BTBD8: variants seen among roughly 807,000 people sequenced by gnomAD.
BTBD8 encodes the protein BTB domain containing 8.
BTBD8 carries 110 observed loss-of-function variants against 162.9 expected under a neutral mutation model. The ratio of observed to expected loss-of-function variants is 0.68; its 90% CI spans 0.58 to 0.79. The LOEUF is 0.79. Among genes scored for constraint, BTBD8 ranks in the 30% least tolerant of loss-of-function variants. The pLI is 0.00. For synonymous variants in BTBD8, 667 were observed against 716.1 expected, an observed-to-expected ratio of 0.93 and a Z score of 1.10; for missense variants, 1,905 against 2,085.4, an observed-to-expected ratio of 0.91 and a Z score of 1.68.
chr1:92,129,116 AAAATT>A lies in BTBD8; in HGVS notation c.663-566_663-562del, dbSNP rs1465315679. Among the ~76,000 whole-genome samples the A allele has an allele frequency of 2.0e-5, 3 of 152,178 alleles. No individual in the cohort carries two copies. In the East Asian group the frequency reaches 5.8e-4, roughly 29 times the overall value. On this transcript the variant is annotated intron_variant, in intron 4 of 17. Transcript: ENST00000636805. Reference sequence around the variant, plus strand: ...TCTTTAGCTACCTTTTTATATTTAAAAAATTAAATATCAATTATGTTTTTATAAGC... The same window carrying A: ...TCTTTAGCTACCTTTTTATATTTAAAAAATATCAATTATGTTTTTATAAGC...
intron 2 of BTBD8, among the ~76,000 whole-genome samples, chr1:92,090,842 G>C (rs1424792944): frequency 6.6e-6 from 1 of 152,166 alleles, no homozygotes; most frequent in African/African-American, 2.4e-5. Context: ...TGAGGCAGGA[G>C]AATCACCCGA....
intron 3 of BTBD8, among the ~76,000 whole-genome samples, chr1:92,106,879 CAGCCTGGGCAACATAA>C (rs1648742543): frequency 1.3e-5 from 2 of 151,690 alleles, no homozygotes; most frequent in Admixed American, 6.6e-5. Flanking sequence ...AGTTTGTGAC[CAGCCTGGGCAACATAA>C]GGAGACCCCC....
At chr1:92,131,445 C>T (rs180894128) in intron 5 of BTBD8, among the ~76,000 whole-genome samples, 21 of 152,184 alleles carry the variant, frequency 1.4e-4, no homozygotes, top group Admixed American at 1.1e-3. Context: ...TTATGTAGGG[C>T]GGGCACGGTG....
intron 7 of BTBD8, among the ~76,000 whole-genome samples, chr1:92,145,377 G>T (rs1303493190): frequency 6.6e-6 from 1 of 152,108 alleles, no homozygotes; most frequent in Non-Finnish European, 1.5e-5. Context: ...TTACCAGAAG[G>T]ACTATGCTGG....
rs1305874543 is a variant in BTBD8, at chr1:92,171,422, C to G, written c.1597C>G (p.Arg533Gly). 1 of 1,537,364 alleles carries G rather than the reference C, an allele frequency of 6.5e-7. No individual in the cohort carries two copies. ...AGCTGCATTTGACAAAGGTGATGAT[C>G]GAAGACTTGGCAAAAAGCCTATATT... The part of the protein sequence containing the change: ...QAAAFDKGDD[R>G]RLGKKPIFSS... The change falls in exon 13 of 18, where the codon CGA (arginine) becomes GGA (glycine). Residue 533 changes from arginine (R) to glycine (G), a missense_variant. Arg to Gly is a moderately radical substitution (Grantham distance 125). Transcript: ENST00000636805.
chr1:92,086,269 T>C (rs1648157088), intron 1 of BTBD8, among the ~76,000 whole-genome samples: 1 of 152,096 alleles, frequency 6.6e-6, no homozygotes, highest in Non-Finnish European at 1.5e-5. Flanking sequence ...CAGGGCAGCC[T>C]TCCACCCTTT....
At chr1:92,165,831 A>G (rs1182230542) in intron 9 of BTBD8, among the ~76,000 whole-genome samples, 1 of 152,100 alleles carries the variant, frequency 6.6e-6, no homozygotes, top group African/African-American at 2.4e-5. Flanking sequence ...CTTGCACATC[A>G]CCACTGTTGG....
At chr1:92,118,692 A>G (rs1468837050) in intron 4 of BTBD8, among the ~76,000 whole-genome samples, 1 of 151,778 alleles carries the variant, frequency 6.6e-6, no homozygotes, top group Non-Finnish European at 1.5e-5. Flanking sequence ...TGCACAAAAA[A>G]CTTACCTCTT....
rs1647970034 is a variant in BTBD8, at chr1:92,080,512, C to T, written c.-60C>T. The T allele has an allele frequency of 4.4e-6, 7 of 1,591,144 alleles. No individual in the cohort carries two copies. Among genetic ancestry groups the T allele is most frequent in the East Asian group, 2.3e-5 (1 of 44,200 alleles). ...CGGTCGGAAACGCCCCCTTCTTCCT[C>T]CTGGGCGGGGCAAGTGAGGCCAAGT... On this transcript the variant is annotated 5_prime_UTR_variant, in exon 1 of 18. Coordinates refer to ENST00000636805, the MANE Select transcript of BTBD8 (RefSeq NM_001376131.1).
intron 7 of BTBD8, among the ~76,000 whole-genome samples, chr1:92,146,383 C>CATAG (rs375831343): frequency 4.2e-4 from 64 of 152,338 alleles, no homozygotes; most frequent in African/African-American, 1.5e-3. Context: ...TCCACACATG[C>CATAG]ATAGCTTCCC....
At chr1:92,093,616 A>T (rs1264871939) in intron 2 of BTBD8, among the ~76,000 whole-genome samples, 1 of 152,202 alleles carries the variant, frequency 6.6e-6, no homozygotes, top group East Asian at 1.9e-4. Context: ...ATCACTTACC[A>T]TTAGTTTCCT....
At chr1:92,153,127 T>C (rs200186959) in intron 9 of BTBD8, among the ~76,000 whole-genome samples, 7 of 89,342 alleles carry the variant, frequency 7.8e-5, no homozygotes, top group Non-Finnish European at 1.7e-4. Context: ...ATATTAATAG[T>C]GTTTTTTTTA....
chr1:92,140,889 T>C (rs1649760174), intron 6 of BTBD8, among the ~76,000 whole-genome samples: 1 of 152,288 alleles, frequency 6.6e-6, no homozygotes, highest in Non-Finnish European at 1.5e-5. Flanking sequence ...TCCAAATTTA[T>C]TTCTTGTTCT....
intron 1 of BTBD8, among the ~76,000 whole-genome samples, chr1:92,082,279 A>C (rs1160934729): frequency 6.6e-6 from 1 of 152,220 alleles, no homozygotes; most frequent in African/African-American, 2.4e-5. Flanking sequence ...ATACTAAATT[A>C]ATTTTCTCCA....
At chr1:92,174,557 G>T (rs1216636421) in intron 13 of BTBD8, among the ~76,000 whole-genome samples, 1 of 152,138 alleles carries the variant, frequency 6.6e-6, no homozygotes, top group Non-Finnish European at 1.5e-5. Flanking sequence ...AGTAGATTCA[G>T]TGTTAAGGGT....
In BTBD8 at chr1:92,139,430, G is replaced by A; in HGVS notation, c.833G>A (p.Gly278Asp). 6.2e-7 allele frequency: 1 copy of A among 1,600,574 alleles called. No individual in the cohort carries two copies. The highest frequency in any genetic ancestry group is 1.7e-5 in the Admixed American group (1 of 57,336). Reference protein sequence around the residue: ...TLDIPDKTNVGQILNMADMYG... With the variant: ...TLDIPDKTNVDQILNMADMYG... ...GACATTCCAGACAAAACTAATGTTG[G>A]GTATGTATTCCTTTTTAATAATTTA... The change falls in exon 6 of 18, where the codon GGT becomes GAT. Residue 278 changes from glycine (G) to aspartate (D), a missense_variant and splice_region_variant. Gly to Asp is a moderately conservative substitution (Grantham distance 94). Transcript: ENST00000636805.
At chr1:92,149,140 C>T (rs1384114931) in intron 9 of BTBD8, among the ~76,000 whole-genome samples, 1 of 152,178 alleles carries the variant, frequency 6.6e-6, no homozygotes, top group Non-Finnish European at 1.5e-5. Flanking sequence ...GAAGTGAACA[C>T]TGCAGTAGTT....
chr1:92,098,510 C>G (rs935322755), intron 2 of BTBD8, among the ~76,000 whole-genome samples: 1 of 152,110 alleles, frequency 6.6e-6, no homozygotes, highest in Non-Finnish European at 1.5e-5. Flanking sequence ...TCCAAAATGA[C>G]TGTACCATTT....
At chr1:92,121,036 A>T (rs1649194469) in intron 4 of BTBD8, among the ~76,000 whole-genome samples, 1 of 152,136 alleles carries the variant, frequency 6.6e-6, no homozygotes, top group South Asian at 2.1e-4. Flanking sequence ...GAGTGCTGGG[A>T]TTACAGGTAT....
Sources: gnomAD v4.1 joint callset for allele counts (sites outside exome capture counted in the v4.1 genomes callset) on GRCh38, gnomAD v4.1.1 for gene constraint, MANE v1.5 for transcripts, NCBI Gene and HGNC (gene_info 2026-07-23, HGNC 2026-07-21) for gene names.